The following COLGALT2 variants were observed in gnomAD, a reference collection of about 807,000 sequenced individuals.
COLGALT2 encodes the protein collagen beta(1-O)galactosyltransferase 2.
In COLGALT2, 49 loss-of-function variants were observed where a neutral mutation model predicts 73.4. The ratio of observed to expected loss-of-function variants is 0.67; its 90% CI spans 0.53 to 0.85. COLGALT2 has a LOEUF of 0.85. Among genes scored for constraint, COLGALT2 ranks in the 40% least tolerant of loss-of-function variants. The pLI, the probability that COLGALT2 is intolerant of heterozygous loss-of-function variation, is 0.00. For missense variants in COLGALT2, 722 were observed against 790.2 expected, an observed-to-expected ratio of 0.91 and a Z score of 1.03; for synonymous variants, 295 against 307.6, an observed-to-expected ratio of 0.96 and a Z score of 0.43.
At chr1:183,940,483 G>T in intron 11 of COLGALT2, 98 bp downstream of exon 11, 1 of 1,098,448 alleles carries the variant, frequency 9.1e-7, no homozygotes, top group Non-Finnish European at 1.4e-6. Context: ...TAGGAAAGCA[G>T]TACAACTTTA....
chr1:183,967,743 A>G (rs1572644884), intron 5 of COLGALT2, among the ~76,000 whole-genome samples: 2 of 152,374 alleles, frequency 1.3e-5, no homozygotes, highest in Admixed American at 1.3e-4. Flanking sequence ...TTGGCACTCA[A>G]AGGACTCAAA....
intron 1 of COLGALT2, among the ~76,000 whole-genome samples, chr1:184,015,688 T>C (rs1336459111): frequency 6.6e-6 from 1 of 152,116 alleles, no homozygotes; most frequent in Non-Finnish European, 1.5e-5. Flanking sequence ...TGTTCTTCTG[T>C]TGAAAGTTAG....
intron 5 of COLGALT2, among the ~76,000 whole-genome samples, chr1:183,964,994 T>C (rs1670827172): frequency 6.6e-6 from 1 of 152,242 alleles, no homozygotes; most frequent in Admixed American, 6.5e-5. Flanking sequence ...TGAAATTTCC[T>C]CCAGTCAGCT....
chr1:183,935,749 G>A (rs886893976), downstream of COLGALT2: 2 of 647,114 alleles, frequency 3.1e-6, no homozygotes, highest in African/African-American at 2.0e-5. Context: ...CCCTGACTCT[G>A]ACATCCTTGG....
At chr1:184,011,997 AG>A (rs1481786064) in intron 1 of COLGALT2, among the ~76,000 whole-genome samples, 1 of 152,242 alleles carries the variant, frequency 6.6e-6, no homozygotes, top group Non-Finnish European at 1.5e-5. Flanking sequence ...AGGGCAGAAA[AG>A]GAATGATTTT....
At chr1:183,973,470 C>T in intron 4 of COLGALT2, 146 bp downstream of exon 4, 1 of 956,382 alleles carries the variant, frequency 1.0e-6, no homozygotes, top group South Asian at 1.5e-5. Flanking sequence ...AGATTTACTG[C>T]CCTTCCTAAA....
chr1:183,996,865 G>A (rs1436634650), intron 1 of COLGALT2, among the ~76,000 whole-genome samples: 1 of 152,210 alleles, frequency 6.6e-6, no homozygotes, highest in Non-Finnish European at 1.5e-5. Flanking sequence ...CACCCAGAGG[G>A]CACTGCCACT....
chr1:183,931,524 C>T (rs1342604613), downstream of COLGALT2, among the ~76,000 whole-genome samples: 3 of 152,118 alleles, frequency 2.0e-5, no homozygotes, highest in Non-Finnish European at 2.9e-5. Context: ...GTGCCTGCAG[C>T]GGGAGAAACT....
chr1:184,004,325 A>AT (rs1672011589), intron 1 of COLGALT2, among the ~76,000 whole-genome samples: 1 of 152,234 alleles, frequency 6.6e-6, no homozygotes, highest in Non-Finnish European at 1.5e-5. Context: ...AAAAAAACCC[A>AT]TAACTACCCA....
intron 1 of COLGALT2, among the ~76,000 whole-genome samples, chr1:184,015,030 G>A (rs1302056186): frequency 1.3e-5 from 2 of 152,078 alleles, no homozygotes; most frequent in African/African-American, 2.4e-5. Flanking sequence ...GGGGCTGGGG[G>A]ATGAACAGTC....
intron 1 of COLGALT2, among the ~76,000 whole-genome samples, chr1:184,007,457 A>G (rs1472845857): frequency 6.6e-6 from 1 of 152,268 alleles, no homozygotes; most frequent in East Asian, 1.9e-4. Flanking sequence ...TCTACAATAC[A>G]TAAAATCATG....
At chr1:183,987,698 C>T (rs184921430) in intron 1 of COLGALT2, among the ~76,000 whole-genome samples, 5 of 152,184 alleles carry the variant, frequency 3.3e-5, no homozygotes, top group Non-Finnish European at 7.3e-5. Context: ...CCCCATCCAA[C>T]CCAAATGCCT....
At chr1:183,992,888 T>C (rs1572662624) in intron 1 of COLGALT2, among the ~76,000 whole-genome samples, 2 of 152,244 alleles carry the variant, frequency 1.3e-5, no homozygotes, top group East Asian at 3.8e-4. Flanking sequence ...GTTGTAATTC[T>C]ACATTTATTT....
intron 8 of COLGALT2, chr1:183,945,841 C>T: frequency 4.7e-6 from 2 of 428,130 alleles, no homozygotes; most frequent in Non-Finnish European, 4.2e-6. Context: ...AATAAGTACA[C>T]TCCTATGGAA....
intron 1 of COLGALT2, among the ~76,000 whole-genome samples, chr1:183,992,027 T>C (rs1671643235): frequency 6.6e-6 from 1 of 152,172 alleles, no homozygotes; most frequent in African/African-American, 2.4e-5. Flanking sequence ...TACTACTCAC[T>C]GCTCTTCTGC....
intron 3 of COLGALT2, among the ~76,000 whole-genome samples, 199 bp downstream of exon 3, chr1:183,974,898 G>A (rs139818769): frequency 6.6e-6 from 1 of 152,196 alleles, no homozygotes; most frequent in East Asian, 1.9e-4. Flanking sequence ...CACTGAAAAT[G>A]CATGTGGGCC....
chr1:183,978,354 CTAGT>C, intron 2 of COLGALT2, 52 bp downstream of exon 2: 1 of 939,974 alleles, frequency 1.1e-6, no homozygotes, highest in Non-Finnish European at 1.7e-6. Context: ...CCCTAAAGAG[CTAGT>C]TAAAGAGGAA....
intron 1 of COLGALT2, among the ~76,000 whole-genome samples, chr1:184,006,013 T>C (rs989602521): frequency 3.9e-5 from 6 of 152,218 alleles, no homozygotes; most frequent in Non-Finnish European, 8.8e-5. Flanking sequence ...ACCATCTTCA[T>C]ACCAGTTTCT....
intron 6 of COLGALT2, among the ~76,000 whole-genome samples, chr1:183,958,260 A>C (rs1670606179): frequency 6.6e-6 from 1 of 152,122 alleles, no homozygotes. Context: ...CAATTCAGAA[A>C]TTCCCTGACC....
Sources: gnomAD v4.1 joint callset for allele counts (sites outside exome capture counted in the v4.1 genomes callset) on GRCh38, gnomAD v4.1.1 for gene constraint, MANE v1.5 for transcripts, NCBI Gene and HGNC (gene_info 2026-07-23, HGNC 2026-07-21) for gene names.